The following AXIN1 variants were observed in gnomAD, a reference collection of about 807,000 sequenced individuals.
AXIN1 encodes axin 1, also known as axin-1.
Under a neutral mutation model 76.4 loss-of-function variants are expected in AXIN1, and 30 were observed. That is an observed-to-expected ratio of 0.39 (90% CI 0.29 to 0.53). The LOEUF (loss-of-function observed/expected upper bound fraction) is 0.53. Among genes scored for constraint, AXIN1 ranks in the 20% least tolerant of loss-of-function variants. The probability of loss-of-function intolerance (pLI) is 0.66; values close to 1 mark genes in which losing one functional copy is unlikely to be tolerated. For synonymous variants in AXIN1, 545 were observed against 501.4 expected (o/e 1.09, Z -1.16); for missense variants, 1,140 against 1,198.8 (o/e 0.95, Z 0.72).
intron 2 of AXIN1, among the ~76,000 whole-genome samples, chr16:344,133 T>C (rs1478508989): frequency 6.6e-6 from 1 of 151,532 alleles, no homozygotes; most frequent in Non-Finnish European, 1.5e-5. Flanking sequence ...CTAAAGACAA[T>C]GAACAAAAGG....
rs1174901062 is a variant in AXIN1, at chr16:287,742, G to A, written c.*380C>T. 3 of 408,394 alleles carry A rather than the reference G, an allele frequency of 7.3e-6. No individual in the cohort carries two copies. The highest frequency in any genetic ancestry group is 5.3e-5 in the South Asian group (2 of 37,434). 25.3% of individuals were successfully genotyped at this position (408,394 alleles called of 1,614,324 possible). A position where few individuals can be genotyped will look rare whatever the true frequency, so the allele number is the denominator to read the frequency against. On this transcript the variant is annotated 3_prime_UTR_variant, in exon 11 of 11. Transcript: ENST00000262320. ...CCTGCAGGCCTCTGCATCCGGGCCT[G>A]GGCCCCACCCAGACCTGGGTACGTG...
chr16:347,201 C>G, intron 1 of AXIN1, 95 bp from the exon 2 acceptor site: 2 of 1,072,742 alleles, frequency 1.9e-6, no homozygotes, highest in Non-Finnish European at 2.7e-6. Context: ...ATGACGCCCT[C>G]CCGCTCAAAC....
intron 7 of AXIN1, among the ~76,000 whole-genome samples, chr16:296,771 C>T (rs753269594): frequency 2.0e-5 from 3 of 152,162 alleles, no homozygotes; most frequent in Non-Finnish European, 2.9e-5. Context: ...AATGACCTCC[C>T]GAGAGCATCT....
At chr16:314,426 A>AGAAACAGGGTGTCTGGGGCAG (rs2053252482) in intron 3 of AXIN1, 117 bp downstream of exon 3, 2 of 1,513,532 alleles carry the variant, frequency 1.3e-6, no homozygotes, top group African/African-American at 2.7e-5. Flanking sequence ...GCCATCCGCA[A>AGAAACAGGGTGTCTGGGGCAG]GAAACAGGGT....
chr16:327,986 A>G (rs564572950), intron 2 of AXIN1, among the ~76,000 whole-genome samples: 6 of 152,340 alleles, frequency 3.9e-5, no homozygotes, highest in African/African-American at 1.4e-4. Context: ...CAGTGGCTCA[A>G]GCCTGTAATC....
chr16:322,914 G>C (rs1023421818), intron 2 of AXIN1, among the ~76,000 whole-genome samples: 3 of 152,258 alleles, frequency 2.0e-5, no homozygotes, highest in African/African-American at 7.2e-5. Context: ...CTGGTCTGCA[G>C]TCATGTCCAG....
chr16:343,517 C>T (rs543027396), intron 2 of AXIN1, among the ~76,000 whole-genome samples: 183 of 151,792 alleles, frequency 1.2e-3, no homozygotes, highest in African/African-American at 4.2e-3. Flanking sequence ...GACTGGCCAA[C>T]GTGGTAAAAC....
Position 314,609 on chromosome 16 carries a change from G to A in AXIN1, c.953C>T (p.Ala318Val), listed in dbSNP as rs546165495. 3.7e-5 allele frequency: 59 copies of A among 1,614,026 alleles called. No homozygotes were observed. The highest frequency in any genetic ancestry group is 2.7e-5 in the African/African-American group (2 of 75,066). ...AGYALAPATSANDSEQQSLSS... is the reference protein window; with the variant it reads ...AGYALAPATSVNDSEQQSLSS... ...CAGGCTCTGCTGCTCGCTGTCGTTG[G>A]CACTGGTGGCTGGGGCCAGGGCATA... Residue 318 changes from alanine to valine, a missense_variant, in exon 3 of 11, where the codon GCC becomes GTC. Ala to Val is a moderately conservative substitution (Grantham distance 64). This residue lies in a region of AXIN1 where 708 missense variants were observed against 776.9 expected (regional missense o/e 0.91). Transcript: ENST00000262320.
Position 304,258 on chromosome 16 carries a change from CAGCACGACACCGACGCGG to C in AXIN1, c.1254+28_1254+45del, listed in dbSNP as rs757577608. The C allele has an allele frequency of 1.4e-3, 2,288 of 1,602,738 alleles. 29 individuals carry two copies. In the African/African-American group the frequency reaches 0.028, roughly 19 times the overall value. On this transcript the variant is annotated intron_variant, in intron 5 of 10. Coordinates refer to ENST00000262320, the MANE Select transcript of AXIN1 (RefSeq NM_003502.4). ...TCAGGACATCCCGGCGGCAAGAAAA[CAGCACGACACCGACGCGG>C]AGCGCGACACCGACGCGGCCCACTC...
intron 2 of AXIN1, among the ~76,000 whole-genome samples, chr16:318,832 C>T (rs1463157973): frequency 2.0e-5 from 3 of 151,294 alleles, no homozygotes; most frequent in Admixed American, 6.6e-5. Context: ...TGGCTGTGTG[C>T]GGTGAGAATG....
intron 2 of AXIN1, among the ~76,000 whole-genome samples, chr16:336,418 AAT>A (rs1284575332): frequency 6.6e-6 from 1 of 152,208 alleles, no homozygotes; most frequent in Non-Finnish European, 1.5e-5. Flanking sequence ...TCGCCCAATT[AAT>A]ATGTGTCAGC....
chr16:304,276 G>C lies in AXIN1; in HGVS notation c.1254+28C>G, dbSNP rs2141544557. ...AAGAAAACAGCACGACACCGACGCGGAGCGCGACACCGACGCGGCCCACTC... is the reference window on the plus strand; with the variant it reads ...AAGAAAACAGCACGACACCGACGCGCAGCGCGACACCGACGCGGCCCACTC... On this transcript the variant is annotated intron_variant, in intron 5 of 10. Transcript: ENST00000262320. 4.4e-6 allele frequency: 7 copies of C among 1,603,746 alleles called. No homozygotes were observed. In the East Asian group the frequency reaches 1.3e-4, roughly 31 times the overall value.
intron 5 of AXIN1, among the ~76,000 whole-genome samples, chr16:303,958 G>A (rs948169916): frequency 2.0e-5 from 3 of 152,156 alleles, no homozygotes; most frequent in African/African-American, 7.2e-5. Flanking sequence ...CCAGCCACAC[G>A]GGGTGAAGAA....
Position 295,809 on chromosome 16 carries a change from A to G in AXIN1, c.1955+1247T>C, listed in dbSNP as rs554054341. Among the ~76,000 whole-genome samples, 92 of 152,216 alleles carry G rather than the reference A, an allele frequency of 6.0e-4. 2 individuals are homozygous for G. The highest frequency in any genetic ancestry group is 1.2e-4 in the Non-Finnish European group (8 of 67,998). The stretch of plus-strand genomic sequence containing the variant: ...CCCCCTGCCCCGGTCTCTACTAAAA[A>G]TACAAAAATCAGCCGGGCGTGGTGG... On this transcript the variant is annotated intron_variant, in intron 7 of 10. Transcript: ENST00000262320.
At chr16:317,295 T>C (rs996445728) in intron 2 of AXIN1, among the ~76,000 whole-genome samples, 9 of 152,156 alleles carry the variant, frequency 5.9e-5, no homozygotes, top group African/African-American at 1.7e-4. Context: ...CACGGGGCCA[T>C]TTCCCCTGGG....
chr16:303,890 G>A (rs933402593), intron 5 of AXIN1, among the ~76,000 whole-genome samples: 1 of 152,190 alleles, frequency 6.6e-6, no homozygotes, highest in Non-Finnish European at 1.5e-5. Context: ...CTCAGGCATC[G>A]CAGCCCCCGA....
At chr16:307,288 T>G (rs1219994280) in intron 4 of AXIN1, among the ~76,000 whole-genome samples, 1 of 152,206 alleles carries the variant, frequency 6.6e-6, no homozygotes, top group African/African-American at 2.4e-5. Flanking sequence ...CCTTGCAGGC[T>G]GCGTCACCAC....
In AXIN1 at chr16:304,286, C is replaced by A. The variant is rs761657893; in HGVS notation, c.1254+18G>T. 7 of 1,609,886 alleles carry A rather than the reference C, an allele frequency of 4.3e-6. No homozygotes were observed. The Admixed American group carries it at 5.0e-5, about 12-fold the overall frequency. ...CACGACACCGACGCGGAGCGCGACA[C>A]CGACGCGGCCCACTCACCATGCGCA... On this transcript the variant is annotated intron_variant, in intron 5 of 10. Transcript: ENST00000262320.
At chr16:325,781 T>A (rs2053567797) in intron 2 of AXIN1, among the ~76,000 whole-genome samples, 2 of 152,186 alleles carry the variant, frequency 1.3e-5, no homozygotes. Flanking sequence ...CCATCTTCTC[T>A]CATGACGGGG....
Sources: allele counts gnomAD v4.1 joint callset (sites outside exome capture counted in the v4.1 genomes callset), GRCh38; gene constraint gnomAD v4.1.1; regional missense constraint gnomAD v4.1.1; transcripts MANE v1.5; gene names NCBI Gene and HGNC (gene_info 2026-07-23, HGNC 2026-07-21).